Variants in RAB20 observed in about 807,000 individuals in gnomAD.
The protein encoded by RAB20 is ras-related protein Rab-20.
Under a neutral mutation model 3.7 loss-of-function variants are expected in RAB20, and 2 were observed. The ratio of observed to expected loss-of-function variants is 0.54; its 90% CI spans 0.22 to 1.69. The LOEUF (loss-of-function observed/expected upper bound fraction) is 1.69, where lower values mean the gene tolerates loss of function less well. Among genes scored for constraint, RAB20 ranks in the 40% most tolerant of loss-of-function variants. RAB20 has a pLI of 0.19. For missense variants in RAB20, 276 were observed against 311.9 expected (o/e 0.88, Z 0.87); for synonymous variants, 126 against 130.8 (o/e 0.96, Z 0.25).
intron 1 of RAB20, among the ~76,000 whole-genome samples, chr13:110,552,333 C>T (rs1264352690): frequency 4.0e-5 from 6 of 148,468 alleles, no homozygotes; most frequent in Non-Finnish European, 5.9e-5. Flanking sequence ...GAGCCGAGAT[C>T]GTGCCAGTGC....
Position 110,523,092 on chromosome 13 carries a change from T to C in RAB20, c.*573A>G, listed in dbSNP as rs1884358868. The C allele has an allele frequency of 5.2e-6, 2 of 386,650 alleles. No homozygotes were observed. Among genetic ancestry groups the C allele is most frequent in the South Asian group, 1.4e-4 (1 of 6,922 alleles). 24.0% of individuals were successfully genotyped at this position (386,650 alleles called of 1,614,324 possible). A position where few individuals can be genotyped will look rare whatever the true frequency, so the allele number is the denominator to read the frequency against. On this transcript the variant is annotated 3_prime_UTR_variant, in exon 2 of 2. Coordinates refer to ENST00000267328, the MANE Select transcript of RAB20 (RefSeq NM_017817.3). ...AAGTTGTTCCAAAAATCCTCTTTAA[T>C]AATACATGTAGCCAACATTGCTGCA...
chr13:110,532,340 A>G (rs988854628), intron 1 of RAB20, among the ~76,000 whole-genome samples: 19 of 152,206 alleles, frequency 1.2e-4, no homozygotes, highest in African/African-American at 4.6e-4. Flanking sequence ...CCTACCAGGA[A>G]ATGCAAACAC....
intron 1 of RAB20, among the ~76,000 whole-genome samples, chr13:110,559,139 G>A (rs991064691): frequency 6.6e-6 from 1 of 152,052 alleles, no homozygotes; most frequent in African/African-American, 2.4e-5. Context: ...AAGCAGCCAG[G>A]CATTGGGTGT....
chr13:110,539,653 G>T (rs1055836786), intron 1 of RAB20, among the ~76,000 whole-genome samples: 3 of 150,044 alleles, frequency 2.0e-5, no homozygotes, highest in Non-Finnish European at 4.4e-5. Flanking sequence ...TCCGCTTCCC[G>T]GGCTCAAGCG....
Position 110,523,167 on chromosome 13 carries a change from G to A in RAB20, c.*498C>T, listed in dbSNP as rs146130067. On this transcript the variant is annotated 3_prime_UTR_variant, in exon 2 of 2. Coordinates refer to ENST00000267328, the MANE Select transcript of RAB20 (RefSeq NM_017817.3). ...CTGATTTTGTATAAATGAACACGTCGAGAGTCAGGATTATAAAGCATCAAG... is the reference window on the plus strand; with the variant it reads ...CTGATTTTGTATAAATGAACACGTCAAGAGTCAGGATTATAAAGCATCAAG... 228 of 400,336 alleles carry A rather than the reference G, an allele frequency of 5.7e-4. 2 individuals are homozygous for A. The East Asian group carries it at 7.6e-3, about 13-fold the overall frequency. 24.8% of individuals were successfully genotyped at this position (400,336 alleles called of 1,614,324 possible).
chr13:110,544,115 G>T (rs756579936), intron 1 of RAB20, among the ~76,000 whole-genome samples: 15 of 152,104 alleles, frequency 9.9e-5, no homozygotes, highest in Admixed American at 2.6e-4. Flanking sequence ...TGTGCATATG[G>T]ATATCCAGTT....
At chr13:110,524,849 G>A (rs552059740) in intron 1 of RAB20, among the ~76,000 whole-genome samples, 4 of 152,284 alleles carry the variant, frequency 2.6e-5, no homozygotes, top group South Asian at 2.1e-4. Flanking sequence ...CGCTGGAATC[G>A]GAATCCCTGA....
chr13:110,543,120 C>T (rs953175091), intron 1 of RAB20, among the ~76,000 whole-genome samples: 7 of 152,072 alleles, frequency 4.6e-5, no homozygotes, highest in African/African-American at 1.7e-4. Context: ...AGTTCAGGAC[C>T]TTTGCTCATT....
Position 110,555,746 on chromosome 13 carries a change from C to G in RAB20, c.172+5602G>C, listed in dbSNP as rs1256202713. On this transcript the variant is annotated intron_variant, in intron 1 of 1. Transcript: ENST00000267328. This position sits in a 1 kb window ranked among gnomAD's most constrained non-coding sequence, Gnocchi z 4.0. ...AGCAAAGGAAGAAATTCAATATGGC[C>G]AGGTCTCCCAGGTTGCTGAGCCCTT... Among the ~76,000 whole-genome samples, 1 of 152,198 alleles carries G rather than the reference C, an allele frequency of 6.6e-6. No homozygotes were observed. Among genetic ancestry groups the G allele is most frequent in the African/African-American group, 2.4e-5 (1 of 41,454 alleles).
intron 1 of RAB20, among the ~76,000 whole-genome samples, chr13:110,545,755 G>A (rs1884839613): frequency 6.6e-6 from 1 of 152,096 alleles, no homozygotes; most frequent in African/African-American, 2.4e-5. Context: ...CAAAAAGAAG[G>A]AAATACAAAG....
intron 1 of RAB20, among the ~76,000 whole-genome samples, chr13:110,560,614 T>C (rs1885113463): frequency 6.6e-6 from 1 of 152,160 alleles, no homozygotes; most frequent in African/African-American, 2.4e-5. Flanking sequence ...AGGAAATATA[T>C]TCCATTGCAA....
chr13:110,557,883 G>C (rs888683496), intron 1 of RAB20, among the ~76,000 whole-genome samples: 1 of 152,280 alleles, frequency 6.6e-6, no homozygotes, highest in African/African-American at 2.4e-5. Flanking sequence ...GGGCTCTGGG[G>C]ACCAGGTCTG....
rs1009024304 is a variant in RAB20 at position 110,561,370 on chromosome 13, G to A, written c.150C>T (p.Asn50=). 8.7e-6 allele frequency: 14 copies of A among 1,608,180 alleles called. No individual in the cohort carries two copies. In the African/African-American group the frequency reaches 9.4e-5, roughly 11 times the overall value. ...AFYLKQWRSY[N]ISIWDTAGRE... is the part of the protein sequence containing the mutation. ...CACCTGCGGTGTCCCAGATGGAGAT[G>A]TTGTAGGAGCGCCACTGCTTCAGGT... Residue 50 remains asparagine (N), a synonymous_variant, in exon 1 of 2, where the codon AAC becomes AAT. Transcript: ENST00000267328.
Position 110,555,909 on chromosome 13 carries a change from C to G in RAB20, c.172+5439G>C, listed in dbSNP as rs1885030899. On this transcript the variant is annotated intron_variant, in intron 1 of 1. Coordinates refer to ENST00000267328, the MANE Select transcript of RAB20 (RefSeq NM_017817.3). The surrounding 1 kb of genome is among the most constrained non-coding windows in gnomAD (Gnocchi z 4.0). Reference sequence around the variant, plus strand: ...GGGCCCAGCTGAGCCTCCCTCCTCCCTTTGTAACATGCCTGCTGGTGTAAC... The same window carrying G: ...GGGCCCAGCTGAGCCTCCCTCCTCCGTTTGTAACATGCCTGCTGGTGTAAC... 6.6e-6 allele frequency among the ~76,000 whole-genome samples: 1 copy of G among 152,228 alleles called. No homozygotes were observed. Among genetic ancestry groups the G allele is most frequent in the African/African-American group, 2.4e-5 (1 of 41,462 alleles).
rs1209004072 is a variant in RAB20 at position 110,536,731 on chromosome 13, G to GA, written c.173-12535_173-12534insT. ...AAAATGGCTTTTTTTTGGGGCGGTG[G>GA]GGGGGGGTTGTTTTTATGTTTATTT... is the stretch of plus-strand genomic sequence containing the variant. On this transcript the variant is annotated intron_variant, in intron 1 of 1. Transcript: ENST00000267328. Among the ~76,000 whole-genome samples the GA allele has an allele frequency of 1.9e-5, 2 of 107,718 alleles. 1 individual carries two copies. Among genetic ancestry groups the GA allele is most frequent in the Admixed American group, 2.0e-4 (2 of 9,910 alleles). The allele number at this position is 107,718 out of a possible 152,430, so 70.7% of individuals were successfully genotyped here. A position where few individuals can be genotyped will look rare whatever the true frequency, so the allele number is the denominator to read the frequency against.
intron 1 of RAB20, among the ~76,000 whole-genome samples, chr13:110,546,307 G>C (rs755505653): frequency 3.9e-5 from 6 of 152,186 alleles, no homozygotes; most frequent in Non-Finnish European, 7.4e-5. Flanking sequence ...CTGAGACTCA[G>C]AGACAGGATC....
chr13:110,561,139 A>C (rs1212025702), intron 1 of RAB20, among the ~76,000 whole-genome samples: 2 of 152,160 alleles, frequency 1.3e-5, no homozygotes, highest in African/African-American at 4.8e-5. Context: ...GGTTCTCTGC[A>C]ACTTGGGTTG....
chr13:110,540,420 T>C (rs1288613075), intron 1 of RAB20, among the ~76,000 whole-genome samples: 1 of 152,268 alleles, frequency 6.6e-6, no homozygotes, highest in Non-Finnish European at 1.5e-5. Context: ...GACTGAATTA[T>C]AAATATCATA....
intron 1 of RAB20, among the ~76,000 whole-genome samples, chr13:110,547,619 A>G (rs1463546929): frequency 6.6e-6 from 1 of 152,182 alleles, no homozygotes; most frequent in African/African-American, 2.4e-5. Flanking sequence ...AAGTGCATAA[A>G]TCCTCGGACA....
Sources: gnomAD v4.1 joint callset for allele counts (sites outside exome capture counted in the v4.1 genomes callset) on GRCh38, gnomAD v4.1.1 for gene constraint, Gnocchi (gnomAD v3.1) non-coding constraint, MANE v1.5 for transcripts, NCBI Gene and HGNC (gene_info 2026-07-23, HGNC 2026-07-21) for gene names.